ANKRD17: variants seen among roughly 807,000 people sequenced by gnomAD.
ANKRD17 encodes the protein ankyrin repeat domain 17.
ANKRD17 carries 19 observed loss-of-function variants against 229.7 expected under a neutral mutation model. The ratio of observed to expected loss-of-function variants is 0.08; its 90% CI spans 0.06 to 0.12. The LOEUF (loss-of-function observed/expected upper bound fraction) is 0.12. Among genes scored for constraint, ANKRD17 ranks in the 10% least tolerant of loss-of-function variants. The pLI is 1.00. For missense variants in ANKRD17, 2,176 were observed against 3,176.8 expected, an observed-to-expected ratio of 0.68 and a Z score of 7.57; for synonymous variants, 1,112 against 1,146.1, an observed-to-expected ratio of 0.97 and a Z score of 0.60.
At chr4:73,227,124 G>C (rs149353812) in intron 1 of ANKRD17, among the ~76,000 whole-genome samples, 2 of 152,026 alleles carry the variant, frequency 1.3e-5, no homozygotes, top group East Asian at 3.8e-4. Flanking sequence ...TCTAAAACCT[G>C]TCATCCTAAA....
intron 1 of ANKRD17, among the ~76,000 whole-genome samples, chr4:73,196,233 C>A (rs554532344): frequency 1.3e-5 from 2 of 151,802 alleles, no homozygotes; most frequent in African/African-American, 4.8e-5. Flanking sequence ...CCTGACCTCA[C>A]GTGACCTGCC....
chr4:73,135,412 A>G (rs1728767204), intron 15 of ANKRD17, 147 bp from the exon 16 acceptor site: 1 of 646,076 alleles, frequency 1.5e-6, no homozygotes, highest in South Asian at 3.4e-5. Flanking sequence ...TTTCCTGGTT[A>G]TTATTCACTG....
chr4:73,196,009 T>C (rs1234626476), intron 1 of ANKRD17, among the ~76,000 whole-genome samples: 1 of 147,508 alleles, frequency 6.8e-6, no homozygotes, highest in Non-Finnish European at 1.5e-5. Context: ...TGTTTCTTTT[T>C]TTTTTTTTTT....
rs1726511859 is a variant in ANKRD17 at position 73,120,030 on chromosome 4, G to A, written c.4025+132C>T. 3 of 945,524 alleles carry A rather than the reference G, an allele frequency of 3.2e-6. No homozygotes were observed. The African/African-American group carries it at 4.9e-5, about 16-fold the overall frequency. 58.6% of individuals were successfully genotyped at this position (945,524 alleles called of 1,614,324 possible). A position where few individuals can be genotyped will look rare whatever the true frequency, so the allele number is the denominator to read the frequency against. On this transcript the variant is annotated intron_variant, in intron 21 of 33. Coordinates refer to ENST00000358602, the MANE Select transcript of ANKRD17 (RefSeq NM_032217.5). ...GGGTTGGAAAACAATGGGTAGGTTT[G>A]GGGGAAAAAGCACTTGTTTATAAAA...
intron 27 of ANKRD17, 26 bp downstream of exon 27, chr4:73,097,091 A>G (rs1266223189): frequency 3.1e-6 from 5 of 1,602,716 alleles, no homozygotes; most frequent in Non-Finnish European, 3.4e-6. Context: ...TAGCACATAA[A>G]AAGAATGACA....
At chr4:73,183,538 C>G (rs1251503142) in intron 1 of ANKRD17, among the ~76,000 whole-genome samples, 1 of 152,110 alleles carries the variant, frequency 6.6e-6, no homozygotes, top group East Asian at 1.9e-4. Context: ...ACTGCAGCCT[C>G]TGGCCTCCTG....
chr4:73,162,572 C>T (rs1440615630), intron 2 of ANKRD17, among the ~76,000 whole-genome samples: 3 of 151,940 alleles, frequency 2.0e-5, no homozygotes, highest in Non-Finnish European at 4.4e-5. Context: ...GCATTCTAGA[C>T]TATATATAAA....
intron 1 of ANKRD17, among the ~76,000 whole-genome samples, chr4:73,179,488 G>GTGTGTGTGTA (rs1491132715): frequency 1.5e-4 from 7 of 48,212 alleles, no homozygotes; most frequent in African/African-American, 2.6e-4. Context: ...GTGTGTGTGT[G>GTGTGTGTGTA]TATATATATA....
At chr4:73,092,671 T>C (rs1357380899) in intron 28 of ANKRD17, among the ~76,000 whole-genome samples, 4 of 152,208 alleles carry the variant, frequency 2.6e-5, no homozygotes, top group Admixed American at 6.5e-5. Flanking sequence ...CACAATGTTA[T>C]TGAAACATTT....
chr4:73,143,615 A>C (rs541403176), intron 11 of ANKRD17, among the ~76,000 whole-genome samples: 2 of 152,364 alleles, frequency 1.3e-5, no homozygotes, highest in Admixed American at 1.3e-4. Flanking sequence ...TGTTGAAAGT[A>C]ATTTCGCCAG....
At chr4:73,178,594 A>G (rs1454575041) in intron 1 of ANKRD17, among the ~76,000 whole-genome samples, 2 of 151,990 alleles carry the variant, frequency 1.3e-5, no homozygotes, top group Non-Finnish European at 2.9e-5. Flanking sequence ...TTGCACCATC[A>G]TCGTAAATGT....
chr4:73,082,470 G>A (rs1259683137), intron 30 of ANKRD17, among the ~76,000 whole-genome samples: 1 of 152,106 alleles, frequency 6.6e-6, no homozygotes, highest in Non-Finnish European at 1.5e-5. Context: ...TTCCAGCCTG[G>A]GTGACAGAGA....
intron 1 of ANKRD17, among the ~76,000 whole-genome samples, chr4:73,214,847 TAAAA>T (rs766995925): frequency 1.2e-5 from 1 of 85,596 alleles, no homozygotes; most frequent in African/African-American, 4.4e-5. Context: ...TCGTCTCTAT[TAAAA>T]AAAAAAAAAA....
intron 1 of ANKRD17, among the ~76,000 whole-genome samples, chr4:73,239,002 T>C (rs1433381961): frequency 6.6e-6 from 1 of 152,186 alleles, no homozygotes; most frequent in Non-Finnish European, 1.5e-5. Flanking sequence ...ATTAGAATTG[T>C]GGCTGGCACA....
intron 17 of ANKRD17, 39 bp from the exon 18 acceptor site, chr4:73,125,097 C>T: frequency 6.2e-7 from 1 of 1,607,912 alleles, no homozygotes; most frequent in African/African-American, 1.3e-5. Flanking sequence ...CATGCTAAGG[C>T]AAAAGAACAA....
intron 1 of ANKRD17, among the ~76,000 whole-genome samples, chr4:73,191,783 AT>A (rs1175707788): frequency 6.6e-6 from 1 of 151,964 alleles, no homozygotes; most frequent in African/African-American, 2.4e-5. Context: ...AAAATAAAAT[AT>A]TTTTCATCCA....
At chr4:73,249,859 AAAAAT>A (rs926360862) in intron 1 of ANKRD17, among the ~76,000 whole-genome samples, 7 of 152,234 alleles carry the variant, frequency 4.6e-5, no homozygotes, top group African/African-American at 1.4e-4. Context: ...TCGTCTCAAA[AAAAAT>A]AAAATAAAAT....
chr4:73,207,792 C>A (rs1739676003), intron 1 of ANKRD17, among the ~76,000 whole-genome samples: 1 of 152,110 alleles, frequency 6.6e-6, no homozygotes, highest in Non-Finnish European at 1.5e-5. Flanking sequence ...ACTGACAAAT[C>A]GGAAAGGAAG....
At position 73,196,538 on chromosome 4, in the gene ANKRD17, G is replaced by A. The variant is rs80334739; in HGVS notation, c.394-19005C>T. Among the ~76,000 whole-genome samples, 942 of 151,926 alleles carry A rather than the reference G, an allele frequency of 6.2e-3. 10 individuals carry two copies. The highest frequency in any genetic ancestry group is 0.019 in the African/African-American group (786 of 41,432). ...TGTGTATGTTTATATACATATATAC[G>A]TTTATATTTACACACACACACAAAC... On this transcript the variant is annotated intron_variant, in intron 1 of 33. Coordinates refer to ENST00000358602, the MANE Select transcript of ANKRD17 (RefSeq NM_032217.5).
Sources: gnomAD v4.1 joint callset for allele counts (sites outside exome capture counted in the v4.1 genomes callset) on GRCh38, gnomAD v4.1.1 for gene constraint, MANE v1.5 for transcripts, NCBI Gene and HGNC (gene_info 2026-07-23, HGNC 2026-07-21) for gene names.